Variants in BMPR2 observed in about 807,000 individuals in gnomAD.
BMPR2 encodes the protein bone morphogenetic protein receptor type-2.
Under a neutral mutation model 100.8 loss-of-function variants are expected in BMPR2, and 29 were observed. That is an observed-to-expected ratio of 0.29 (90% confidence interval 0.21 to 0.39). The LOEUF is 0.39. Among genes scored for constraint, BMPR2 ranks in the 10% least tolerant of loss-of-function variants. The probability of loss-of-function intolerance (pLI) is 1.00; values close to 1 mark genes in which losing one functional copy is unlikely to be tolerated. For missense variants in BMPR2, 1,011 were observed against 1,274.5 expected, an observed-to-expected ratio of 0.79 and a Z score of 3.15; for synonymous variants, 382 against 442.3, an observed-to-expected ratio of 0.86 and a Z score of 1.71.
intron 10 of BMPR2, among the ~76,000 whole-genome samples, chr2:202,549,125 A>G (rs867308412): frequency 7.2e-4 from 109 of 152,244 alleles, no homozygotes; most frequent in African/African-American, 2.5e-3. Flanking sequence ...TTTTATATAA[A>G]TGGAATCATA....
At chr2:202,504,799 C>T (rs1264615966) in intron 3 of BMPR2, among the ~76,000 whole-genome samples, 4 of 151,626 alleles carry the variant, frequency 2.6e-5, no homozygotes, top group African/African-American at 9.7e-5. Context: ...CCTGCCTCAG[C>T]CTCCCGAGTA....
intron 3 of BMPR2, among the ~76,000 whole-genome samples, chr2:202,484,505 T>G (rs1692731514): frequency 6.7e-6 from 1 of 150,090 alleles, no homozygotes. Context: ...AAACGCTGTC[T>G]CTACTAAAAA....
intron 1 of BMPR2, among the ~76,000 whole-genome samples, chr2:202,391,018 G>T: frequency 8.9e-6 from 1 of 112,672 alleles, no homozygotes. Context: ...GGGAGATGGA[G>T]TTTCACTCTT....
intron 9 of BMPR2, among the ~76,000 whole-genome samples, chr2:202,535,412 T>C (rs1427876781): frequency 7.9e-6 from 1 of 126,844 alleles, no homozygotes; most frequent in Admixed American, 7.8e-5. Flanking sequence ...AGACGGGGTC[T>C]CGGCTGGGCA....
chr2:202,472,317 CAAACA>C (rs1692453045), intron 3 of BMPR2, among the ~76,000 whole-genome samples: 1 of 152,160 alleles, frequency 6.6e-6, no homozygotes, highest in Admixed American at 6.6e-5. Flanking sequence ...TTATTTTTCA[CAAACA>C]AAACAAAGTC....
At chr2:202,482,190 C>T (rs539581977) in intron 3 of BMPR2, among the ~76,000 whole-genome samples, 9 of 152,200 alleles carry the variant, frequency 5.9e-5, no homozygotes, top group Non-Finnish European at 1.2e-4. Flanking sequence ...TTCCATTTTA[C>T]GTAAATACTA....
At chr2:202,403,374 A>G (rs144485661) in intron 1 of BMPR2, among the ~76,000 whole-genome samples, 6,115 of 151,640 alleles carry the variant, frequency 0.04, 174 homozygotes, top group Non-Finnish European at 0.062. Flanking sequence ...TAATTTTTGT[A>G]TTTTTTGTAG....
chr2:202,389,634 G>C lies in BMPR2; in HGVS notation c.76+12084G>C, dbSNP rs1255222939. On this transcript the variant is annotated intron_variant, in intron 1 of 12. Coordinates refer to ENST00000374580, the MANE Select transcript of BMPR2 (RefSeq NM_001204.7). ...AAATTATACAAAGTCATTGTAAAAG[G>C]GTTTTATAAATTTATTTTTTTTTTT... is the stretch of plus-strand genomic sequence containing the variant. Among the ~76,000 whole-genome samples the C allele has an allele frequency of 2.0e-5, 3 of 151,340 alleles. No homozygotes were observed. The East Asian group carries it at 5.8e-4, about 29-fold the overall frequency.
chr2:202,464,219 T>G (rs1369214784), intron 1 of BMPR2, among the ~76,000 whole-genome samples: 1 of 150,458 alleles, frequency 6.6e-6, no homozygotes, highest in African/African-American at 2.4e-5. Flanking sequence ...ATACCTGAAG[T>G]TCACTCAATT....
At chr2:202,440,617 G>T (rs1234991900) in intron 1 of BMPR2, among the ~76,000 whole-genome samples, 1 of 150,728 alleles carries the variant, frequency 6.6e-6, no homozygotes, top group Non-Finnish European at 1.5e-5. Context: ...AAGGCAGGCG[G>T]CTGGGAGGTG....
chr2:202,425,390 C>T (rs1365241538), intron 1 of BMPR2, among the ~76,000 whole-genome samples: 2 of 152,146 alleles, frequency 1.3e-5, no homozygotes, highest in Admixed American at 6.6e-5. Context: ...TTGGTTACAG[C>T]TTGGCATTTG....
chr2:202,460,247 A>G (rs779687805), intron 1 of BMPR2, among the ~76,000 whole-genome samples: 14 of 152,216 alleles, frequency 9.2e-5, no homozygotes, highest in Non-Finnish European at 1.6e-4. Flanking sequence ...CGTAGAATCA[A>G]TCTAAATGCC....
intron 1 of BMPR2, among the ~76,000 whole-genome samples, chr2:202,425,363 G>C (rs922491991): frequency 1.3e-5 from 2 of 152,168 alleles, no homozygotes; most frequent in Admixed American, 1.3e-4. Context: ...ACAGAAGCGA[G>C]GTACAGAAAT....
rs368963573 is a variant in BMPR2, at chr2:202,558,432, G to A, written c.2867-1264G>A. Among the ~76,000 whole-genome samples the A allele has an allele frequency of 4.6e-5, 7 of 152,136 alleles. 1 individual carries two copies. The highest frequency in any genetic ancestry group is 3.9e-4 in the Admixed American group (6 of 15,272). ...CAGCCTATTTCTCTTTTAGACTAAG[G>A]CATTTATGAAAAAAAGTTATGTTTT... is the stretch of plus-strand genomic sequence containing the variant. On this transcript the variant is annotated intron_variant, in intron 12 of 12. Coordinates refer to ENST00000374580, the MANE Select transcript of BMPR2 (RefSeq NM_001204.7).
chr2:202,402,511 C>T (rs763503483), intron 1 of BMPR2, among the ~76,000 whole-genome samples: 6 of 151,862 alleles, frequency 4.0e-5, no homozygotes, highest in African/African-American at 9.7e-5. Flanking sequence ...AGTAAGACTC[C>T]GTCTCAAAAA....
At chr2:202,479,950 G>C (rs1692627644) in intron 3 of BMPR2, among the ~76,000 whole-genome samples, 1 of 151,870 alleles carries the variant, frequency 6.6e-6, no homozygotes, top group Non-Finnish European at 1.5e-5. Flanking sequence ...TAAAAATTGT[G>C]CATATTTGTC....
intron 1 of BMPR2, among the ~76,000 whole-genome samples, chr2:202,384,569 TTTTTCTTTC>T (rs56341654): frequency 1.1e-5 from 1 of 93,594 alleles, no homozygotes; most frequent in African/African-American, 5.4e-5. Flanking sequence ...TCTTTCTTTC[TTTTTCTTTC>T]TTTTCTTTCT....
At chr2:202,392,769 G>A (rs2105904317) in intron 1 of BMPR2, among the ~76,000 whole-genome samples, 1 of 152,102 alleles carries the variant, frequency 6.6e-6, no homozygotes, top group South Asian at 2.1e-4. Context: ...GAGGCGGGCA[G>A]ATCATCTGAG....
At chr2:202,559,619 T>A (rs1688646195) in intron 12 of BMPR2, 77 bp from the exon 13 acceptor site, 2 of 1,503,598 alleles carry the variant, frequency 1.3e-6, no homozygotes, top group Admixed American at 1.9e-5. Context: ...TGGTTTGACC[T>A]TTTCTTGAGT....
Sources: allele counts gnomAD v4.1 joint callset (sites outside exome capture counted in the v4.1 genomes callset), GRCh38; gene constraint gnomAD v4.1.1; transcripts MANE v1.5; gene names NCBI Gene and HGNC (gene_info 2026-07-23, HGNC 2026-07-21).